Variants in UBR3 observed in about 807,000 individuals in gnomAD.
UBR3 encodes E3 ubiquitin-protein ligase UBR3.
Under a neutral mutation model 243.2 loss-of-function variants are expected in UBR3, and 85 were observed. The observed-to-expected ratio is 0.35, with a 90% CI of 0.29 to 0.42. The LOEUF (loss-of-function observed/expected upper bound fraction) is 0.42, where lower values mean the gene tolerates loss of function less well. UBR3 is among the 10% of genes least tolerant of loss of function. The pLI, the probability that UBR3 is intolerant of heterozygous loss-of-function variation, is 1.00. For missense variants in UBR3, 1,686 were observed against 2,300.8 expected (o/e 0.73, Z 5.47); for synonymous variants, 748 against 799.8 (o/e 0.94, Z 1.09).
intron 5 of UBR3, among the ~76,000 whole-genome samples, chr2:169,889,972 T>A (rs1036314792): frequency 3.9e-4 from 59 of 152,324 alleles, no homozygotes; most frequent in Middle Eastern, 3.4e-3. Flanking sequence ...TATGCCACAT[T>A]ACCGCACCTC....
At chr2:170,051,691 T>G (rs1459172683) in intron 32 of UBR3, among the ~76,000 whole-genome samples, 2 of 152,202 alleles carry the variant, frequency 1.3e-5, no homozygotes, top group Non-Finnish European at 2.9e-5. Context: ...ATGTATAGTT[T>G]AAGAAGAAGC....
chr2:170,040,504 C>T (rs1031532416), intron 31 of UBR3, among the ~76,000 whole-genome samples: 21 of 152,086 alleles, frequency 1.4e-4, no homozygotes. Context: ...CTTACTTATT[C>T]GTTATTGCTA....
chr2:170,077,986 A>G, intron 36 of UBR3: 1 of 636,968 alleles, frequency 1.6e-6, no homozygotes, highest in Admixed American at 2.2e-5. Flanking sequence ...TTTCGGCTTA[A>G]TCATACTGGG....
At chr2:169,996,436 G>A (rs898745498) in intron 26 of UBR3, among the ~76,000 whole-genome samples, 2 of 152,156 alleles carry the variant, frequency 1.3e-5, no homozygotes, top group Non-Finnish European at 2.9e-5. Context: ...AGGTCACTCT[G>A]CATATAATAC....
intron 25 of UBR3, among the ~76,000 whole-genome samples, chr2:169,993,839 A>G (rs1208440353): frequency 6.6e-6 from 1 of 152,144 alleles, no homozygotes; most frequent in East Asian, 1.9e-4. Context: ...CTCAGATTTT[A>G]CCAGAACTCC....
chr2:170,065,583 A>AT (rs1430039606), intron 35 of UBR3, among the ~76,000 whole-genome samples: 5 of 152,048 alleles, frequency 3.3e-5, no homozygotes, highest in South Asian at 2.1e-4. Flanking sequence ...TTTTAATAGA[A>AT]TTTTTTAATC....
intron 1 of UBR3, among the ~76,000 whole-genome samples, chr2:169,829,134 A>G (rs2081843206): frequency 6.6e-6 from 1 of 152,220 alleles, no homozygotes; most frequent in Non-Finnish European, 1.5e-5. Flanking sequence ...CTTTTTATAA[A>G]TGGTCACCTT....
At chr2:169,847,698 T>C (rs973667809) in intron 1 of UBR3, among the ~76,000 whole-genome samples, 4 of 152,240 alleles carry the variant, frequency 2.6e-5, no homozygotes, top group African/African-American at 9.6e-5. Context: ...TATTCTCCAC[T>C]ACTGAGGAAA....
At chr2:170,042,177 T>G (rs530136008) in intron 32 of UBR3, among the ~76,000 whole-genome samples, 1 of 152,346 alleles carries the variant, frequency 6.6e-6, no homozygotes, top group East Asian at 1.9e-4. Flanking sequence ...CCTGTCTTCA[T>G]GGATTTGCCT....
chr2:169,827,734 CGGCCGGAGGCGGGGGCGGTCCGGG>C lies in UBR3; in HGVS notation c.231_254del (p.Gly78_Ala85del). 1 of 1,236,942 alleles carries C rather than the reference CGGCCGGAGGCGGGGGCGGTCCGGG, an allele frequency of 8.1e-7. No individual in the cohort carries two copies. The highest frequency in any genetic ancestry group is 1.0e-6 in the Non-Finnish European group (1 of 992,946). 76.6% of individuals were successfully genotyped at this position (1,236,942 alleles called of 1,614,324 possible). A position where few individuals can be genotyped will look rare whatever the true frequency, so the allele number is the denominator to read the frequency against. On this transcript the variant is annotated inframe_deletion, in exon 1 of 39. Coordinates refer to ENST00000272793, the MANE Select transcript of UBR3 (RefSeq NM_172070.4). ...GCTGCCGGCGGCGAGGACGCGGCGG[CGGCCGGAGGCGGGGGCGGTCCGGG>C]GGCGGCCGAGGAGGAGGCCCTGGAG...
intron 33 of UBR3, among the ~76,000 whole-genome samples, chr2:170,058,596 A>C (rs1211423341): frequency 6.6e-6 from 1 of 150,492 alleles, no homozygotes; most frequent in Non-Finnish European, 1.5e-5. Flanking sequence ...GCTCACTGCA[A>C]CCTCAAACTC....
At chr2:170,047,672 T>C (rs1272784588) in intron 32 of UBR3, among the ~76,000 whole-genome samples, 1 of 152,208 alleles carries the variant, frequency 6.6e-6, no homozygotes, top group Non-Finnish European at 1.5e-5. Flanking sequence ...TTGCACTTTC[T>C]GTGGTTTTTG....
chr2:169,987,400 A>AC (rs1337545249), intron 25 of UBR3, among the ~76,000 whole-genome samples: 2 of 150,442 alleles, frequency 1.3e-5, no homozygotes, highest in African/African-American at 2.4e-5. Context: ...CTCAAAAAAA[A>AC]AAAAAAAACA....
intron 1 of UBR3, among the ~76,000 whole-genome samples, chr2:169,859,844 G>A (rs1348242514): frequency 6.6e-6 from 1 of 152,108 alleles, no homozygotes; most frequent in Non-Finnish European, 1.5e-5. Context: ...AGGCTCCTGA[G>A]TAGCTGGGAC....
In UBR3 at chr2:170,005,219, G is replaced by A. The variant is rs530579206; in HGVS notation, c.4030-1771G>A. 8.5e-5 allele frequency among the ~76,000 whole-genome samples: 13 copies of A among 152,186 alleles called. 1 individual carries two copies. Among genetic ancestry groups the A allele is most frequent in the Admixed American group, 1.3e-4 (2 of 15,282 alleles). On this transcript the variant is annotated intron_variant, in intron 27 of 38. Coordinates refer to ENST00000272793, the MANE Select transcript of UBR3 (RefSeq NM_172070.4). ...AGTCTGGGCAATAGAGCAAGGCTCC[G>A]TCTCAAACAAAACAAAACAAAAAAA... is the stretch of plus-strand genomic sequence containing the variant.
intron 26 of UBR3, among the ~76,000 whole-genome samples, chr2:169,999,866 G>C (rs2089630420): frequency 6.6e-6 from 1 of 152,192 alleles, no homozygotes; most frequent in Non-Finnish European, 1.5e-5. Context: ...GCTCATGCCT[G>C]TAATCCCAGC....
chr2:170,064,034 T>A (rs2091504283), intron 35 of UBR3, among the ~76,000 whole-genome samples: 1 of 152,216 alleles, frequency 6.6e-6, no homozygotes, highest in Non-Finnish European at 1.5e-5. Flanking sequence ...CAGTGTGTAA[T>A]GTTTGGCAGT....
chr2:170,025,933 T>C (rs770968510), intron 30 of UBR3, among the ~76,000 whole-genome samples: 3 of 152,182 alleles, frequency 2.0e-5, no homozygotes, highest in Non-Finnish European at 4.4e-5. Flanking sequence ...CTGGGCTGTA[T>C]AATCAGGTTA....
intron 19 of UBR3, among the ~76,000 whole-genome samples, chr2:169,935,993 A>G (rs920231688): frequency 2.0e-5 from 3 of 152,328 alleles, no homozygotes; most frequent in Admixed American, 6.5e-5. Context: ...TATTGGGATC[A>G]TTTTGAAAAT....
Sources: allele counts gnomAD v4.1 joint callset (sites outside exome capture counted in the v4.1 genomes callset), GRCh38; gene constraint gnomAD v4.1.1; transcripts MANE v1.5; gene names NCBI Gene and HGNC (gene_info 2026-07-23, HGNC 2026-07-21).